Variants in DLD observed in about 807,000 individuals in gnomAD.
The protein encoded by DLD is dihydrolipoamide dehydrogenase.
In DLD, 36 loss-of-function variants were observed where a neutral mutation model predicts 62.2. That is an observed-to-expected ratio of 0.58 (90% CI 0.44 to 0.76). The LOEUF is 0.76. DLD is among the 30% of genes least tolerant of loss of function. The pLI, the probability that DLD is intolerant of heterozygous loss-of-function variation, is 0.00. For synonymous variants in DLD, 204 were observed against 199.6 expected (o/e 1.02, Z -0.19); for missense variants, 541 against 608.6 (o/e 0.89, Z 1.17).
Position 107,919,336 on chromosome 7 carries a change from C to T in DLD, c.*77C>T, listed in dbSNP as rs549964344. Reference sequence around the variant, plus strand: ...AAGTCACATTCCTGAACAGGATATTCTCACAGCTCCAAGAATTTCTAGGAC... The same window carrying T: ...AAGTCACATTCCTGAACAGGATATTTTCACAGCTCCAAGAATTTCTAGGAC... On this transcript the variant is annotated 3_prime_UTR_variant, in exon 14 of 14. Coordinates refer to ENST00000205402, the MANE Select transcript of DLD (RefSeq NM_000108.5). The T allele has an allele frequency of 1.7e-6, 2 of 1,170,386 alleles. No homozygotes were observed. The highest frequency in any genetic ancestry group is 1.5e-5 in the African/African-American group (1 of 65,710). The allele number at this position is 1,170,386 out of a possible 1,614,324, so 72.5% of individuals were successfully genotyped here.
At chr7:107,907,990 G>A (rs2032048691) in intron 8 of DLD, among the ~76,000 whole-genome samples, 1 of 152,126 alleles carries the variant, frequency 6.6e-6, no homozygotes, top group Non-Finnish European at 1.5e-5. Flanking sequence ...GCTTTATTTG[G>A]CAGTAATTAG....
chr7:107,903,388 A>G (rs2031925781), intron 4 of DLD, 90 bp from the exon 5 acceptor site: 8 of 873,104 alleles, frequency 9.2e-6, no homozygotes, highest in African/African-American at 1.7e-5. Flanking sequence ...CAAAAAATGA[A>G]AAGAAAGACT....
At chr7:107,895,528 ATTC>A (rs1324428926) in intron 2 of DLD, among the ~76,000 whole-genome samples, 2 of 151,922 alleles carry the variant, frequency 1.3e-5, no homozygotes, top group Non-Finnish European at 2.9e-5. Context: ...ACATTCATTC[ATTC>A]TTTTATTATT....
chr7:107,910,588 G>A (rs1446935099), intron 8 of DLD, among the ~76,000 whole-genome samples: 3 of 151,868 alleles, frequency 2.0e-5, no homozygotes, highest in Non-Finnish European at 2.9e-5. Flanking sequence ...TTTTGGAATT[G>A]AACAGATTTA....
At chr7:107,893,506 C>A in intron 2 of DLD, 3 of 406,428 alleles carry the variant, frequency 7.4e-6, no homozygotes, top group South Asian at 4.2e-5. Flanking sequence ...AAAAGACAAA[C>A]AATATATAAG....
Position 107,918,068 on chromosome 7 carries a change from A to G in DLD, c.1374+7A>G. 1 of 1,613,860 alleles carries G rather than the reference A, an allele frequency of 6.2e-7. No homozygotes were observed. ...AGCACATATTCTTGGACCAGTGAGTATTGTAAAACCAGAGAAATCCCATTA... is the reference window on the plus strand; with the variant it reads ...AGCACATATTCTTGGACCAGTGAGTGTTGTAAAACCAGAGAAATCCCATTA... On this transcript the variant is annotated splice_region_variant and intron_variant, in intron 12 of 13. Transcript: ENST00000205402.
chr7:107,902,454 G>A (rs992192214), intron 4 of DLD, 61 bp downstream of exon 4: 47 of 1,370,524 alleles, frequency 3.4e-5, no homozygotes, highest in Non-Finnish European at 4.7e-5. Flanking sequence ...CTAGAAGGAT[G>A]GATTGAGACT....
chr7:107,900,196 A>AT (rs1399505555), intron 2 of DLD, among the ~76,000 whole-genome samples: 1 of 152,072 alleles, frequency 6.6e-6, no homozygotes. Context: ...GGATTCTTAG[A>AT]TTTTGTGGAT....
intron 2 of DLD, 76 bp from the exon 3 acceptor site, chr7:107,901,658 ATTTG>A (rs755668748): frequency 7.7e-5 from 89 of 1,149,922 alleles, no homozygotes; most frequent in Middle Eastern, 2.5e-4. Flanking sequence ...GTATCGGGTT[ATTTG>A]TTTGCTCTTC....
At chr7:107,904,086 G>T (rs66999558) in intron 5 of DLD, among the ~76,000 whole-genome samples, 1 of 152,034 alleles carries the variant, frequency 6.6e-6, no homozygotes, top group African/African-American at 2.4e-5. Context: ...TTCCAGAAAG[G>T]TAGTCTCTTC....
chr7:107,891,267 G>A lies in DLD; in HGVS notation c.17G>A (p.Arg6His), dbSNP rs753070981. The change falls in exon 1 of 14, where the codon CGT becomes CAT. Residue 6 changes from arginine (R) to histidine (H), a missense_variant. Arg to His is a conservative substitution (Grantham distance 29, BLOSUM62 0). Transcript: ENST00000205402. ...AGCGGAAAAATGCAGAGCTGGAGTCGTGTGTACTGCTCCTTGGCCAAGGTG... is the reference window on the plus strand; with the variant it reads ...AGCGGAAAAATGCAGAGCTGGAGTCATGTGTACTGCTCCTTGGCCAAGGTG... MQSWS[R>H]VYCSLAKRGH... 2 of 1,614,142 alleles carry A rather than the reference G, an allele frequency of 1.2e-6. No individual in the cohort carries two copies. Among genetic ancestry groups the A allele is most frequent in the Non-Finnish European group, 1.7e-6 (2 of 1,179,962 alleles).
At chr7:107,901,873 C>G (rs2116207910) in intron 3 of DLD, 56 bp downstream of exon 3, 4 of 1,448,578 alleles carry the variant, frequency 2.8e-6, no homozygotes, top group East Asian at 2.3e-5. Context: ...AAGGGTTGAT[C>G]ATATTTATAA....
chr7:107,908,391 C>T (rs114291723), intron 8 of DLD, among the ~76,000 whole-genome samples: 1,857 of 151,788 alleles, frequency 0.012, 45 homozygotes, highest in African/African-American at 0.043. Flanking sequence ...CCTTGTGATG[C>T]GCATGATGGT....
At chr7:107,903,322 G>A (rs1584463190) in intron 4 of DLD, among the ~76,000 whole-genome samples, 156 bp from the exon 5 acceptor site, 1 of 152,170 alleles carries the variant, frequency 6.6e-6, no homozygotes, top group Admixed American at 6.5e-5. Flanking sequence ...AGGTTGCGGT[G>A]AGCTGAGATG....
rs763973477 is a variant in DLD, at chr7:107,916,796, T to C, written c.878T>C (p.Ile293Thr). The change falls in exon 10 of 14, where the codon ATT becomes ACT. Residue 293 changes from isoleucine (I) to threonine (T), a missense_variant and splice_region_variant. Coordinates refer to ENST00000205402, the MANE Select transcript of DLD (RefSeq NM_000108.5). ...TTTATACACTGTTTGTTATCTAGTA[T>C]TGAAGCTGCTTCTGGTGGTAAAGCT... ...KKSDGKIDVSIEAASGGKAEV... is the reference protein window; with the variant it reads ...KKSDGKIDVSTEAASGGKAEV... 1.9e-6 allele frequency: 3 copies of C among 1,613,178 alleles called. No homozygotes were observed. The highest frequency in any genetic ancestry group is 2.5e-6 in the Non-Finnish European group (3 of 1,179,844).
intron 2 of DLD, among the ~76,000 whole-genome samples, chr7:107,898,181 AAC>A (rs2031778230): frequency 2.0e-5 from 3 of 152,048 alleles, no homozygotes; most frequent in Non-Finnish European, 4.4e-5. Flanking sequence ...ACTTCACTGA[AAC>A]ACAGATTGCT....
At chr7:107,892,901 C>G (rs2031624057) in intron 1 of DLD, among the ~76,000 whole-genome samples, 1 of 152,092 alleles carries the variant, frequency 6.6e-6, no homozygotes, top group Non-Finnish European at 1.5e-5. Flanking sequence ...GCCATGTTTT[C>G]TGAAAATTGA....
Position 107,918,064 on chromosome 7 carries a change from G to A in DLD, c.1374+3G>A, listed in dbSNP as rs1439150789. Reference sequence around the variant, plus strand: ...TGGGAGCACATATTCTTGGACCAGTGAGTATTGTAAAACCAGAGAAATCCC... The same window carrying A: ...TGGGAGCACATATTCTTGGACCAGTAAGTATTGTAAAACCAGAGAAATCCC... On this transcript the variant is annotated splice_donor_region_variant and intron_variant, in intron 12 of 13. Coordinates refer to ENST00000205402, the MANE Select transcript of DLD (RefSeq NM_000108.5). 4 of 1,613,762 alleles carry A rather than the reference G, an allele frequency of 2.5e-6. No individual in the cohort carries two copies. The highest frequency in any genetic ancestry group is 3.4e-6 in the Non-Finnish European group (4 of 1,179,822).
Position 107,893,130 on chromosome 7 carries a change from A to G in DLD, c.40-70A>G, listed in dbSNP as rs2031629702. The G allele has an allele frequency of 1.4e-5, 18 of 1,329,488 alleles. No individual in the cohort carries two copies. The South Asian group carries it at 2.1e-4, about 15-fold the overall frequency. The allele number at this position is 1,329,488 out of a possible 1,614,324, so 82.4% of individuals were successfully genotyped here. On this transcript the variant is annotated intron_variant, in intron 1 of 13. Transcript: ENST00000205402. ...TACGTTTGCCCAAAATTGTTCTGTT[A>G]TCATCAACCTTCAGTAGTTCTATGT...
Sources: gnomAD v4.1 joint callset for allele counts (sites outside exome capture counted in the v4.1 genomes callset) on GRCh38, gnomAD v4.1.1 for gene constraint, MANE v1.5 for transcripts, NCBI Gene and HGNC (gene_info 2026-07-23, HGNC 2026-07-21) for gene names.